Variants in MTM1 observed in about 807,000 individuals in gnomAD.
MTM1 encodes myotubularin.
MTM1 carries 9 observed loss-of-function variants against 52.1 expected under a neutral mutation model. The observed-to-expected ratio is 0.17, with a 90% CI of 0.10 to 0.30. The LOEUF is 0.30. MTM1 is among the 10% of genes least tolerant of loss of function. The pLI, the probability that MTM1 is intolerant of heterozygous loss-of-function variation, is 1.00. For missense variants in MTM1, 277 were observed against 470.7 expected (o/e 0.59, Z 3.81); for synonymous variants, 136 against 163.8 (o/e 0.83, Z 1.29).
intron 1 of MTM1, among the ~76,000 whole-genome samples, chrX:150,587,161 G>T (rs2038804780): frequency 9.0e-6 from 1 of 110,666 alleles, no homozygotes; most frequent in Admixed American, 9.7e-5. Context: ...ACACTGTTTT[G>T]TAGGTGGGCG....
chrX:150,593,211 A>G (rs782498098), intron 2 of MTM1, among the ~76,000 whole-genome samples: 6 of 112,346 alleles, frequency 5.3e-5, no homozygotes, highest in African/African-American at 1.9e-4. Flanking sequence ...ATCCTTTCAC[A>G]TAACTTCATT....
At chrX:150,571,556 G>A (rs1427680985) in intron 1 of MTM1, among the ~76,000 whole-genome samples, 2 of 112,656 alleles carry the variant, frequency 1.8e-5, no homozygotes, top group Non-Finnish European at 3.7e-5. Flanking sequence ...CTTGCATGTA[G>A]TAGACACTAA....
intron 10 of MTM1, among the ~76,000 whole-genome samples, chrX:150,653,838 A>G (rs1557414300): frequency 1.8e-5 from 2 of 112,149 alleles, no homozygotes; most frequent in African/African-American, 3.2e-5. Flanking sequence ...AAAGTATCAT[A>G]TTGTTTTGGC....
chrX:150,589,598 T>C (rs2038848208), intron 1 of MTM1, among the ~76,000 whole-genome samples: 1 of 111,457 alleles, frequency 9.0e-6, no homozygotes, highest in Non-Finnish European at 1.9e-5. Flanking sequence ...TCCAACTGCC[T>C]TTACACTAAC....
intron 7 of MTM1, among the ~76,000 whole-genome samples, 161 bp from the exon 8 acceptor site, chrX:150,641,108 G>T (rs956773006): frequency 1.5e-4 from 17 of 111,807 alleles, no homozygotes; most frequent in African/African-American, 5.2e-4. Context: ...ACGTTGTCTG[G>T]ATTATTGATT....
At chrX:150,636,403 C>CA (rs1419857514) in intron 6 of MTM1, among the ~76,000 whole-genome samples, 11 of 110,000 alleles carry the variant, frequency 1.0e-4, no homozygotes, top group East Asian at 2.8e-4. Flanking sequence ...ATACTGGAAG[C>CA]AAAAAAAAGA....
chrX:150,583,548 C>T (rs189527250), intron 1 of MTM1, among the ~76,000 whole-genome samples: 399 of 15,314 alleles, frequency 0.026, 33 homozygotes, highest in African/African-American at 0.11. Flanking sequence ...ATATATTATA[C>T]ATAATTTATA....
intron 6 of MTM1, among the ~76,000 whole-genome samples, chrX:150,635,348 A>T (rs782499383): frequency 8.9e-6 from 1 of 112,371 alleles, no homozygotes; most frequent in East Asian, 2.8e-4. Context: ...AGCTCTCTCC[A>T]TGTGATTTAG....
upstream of MTM1, among the ~76,000 whole-genome samples, chrX:150,566,109 C>T (rs1247162718): frequency 3.6e-5 from 4 of 110,671 alleles, no homozygotes; most frequent in Admixed American, 2.9e-4. Context: ...AAGGGCAAGG[C>T]GGTAACCCCT....
intron 4 of MTM1, among the ~76,000 whole-genome samples, chrX:150,613,861 G>A (rs1157291470): frequency 1.8e-5 from 2 of 112,125 alleles, no homozygotes; most frequent in African/African-American, 3.2e-5. Context: ...TGCACCCAGC[G>A]TTGGATAGCA....
intron 5 of MTM1, among the ~76,000 whole-genome samples, chrX:150,616,306 T>C (rs2039384343): frequency 8.9e-6 from 1 of 111,759 alleles, no homozygotes. Flanking sequence ...TTAACTAAAT[T>C]GTCTCCCCAG....
At chrX:150,569,897 A>G (rs2038336744) in intron 1 of MTM1, among the ~76,000 whole-genome samples, 1 of 112,003 alleles carries the variant, frequency 8.9e-6, no homozygotes, top group Admixed American at 9.4e-5. Context: ...TTGATTCTGA[A>G]TGGCTTTTGG....
Position 150,649,878 on chromosome X carries a change from A to G in MTM1, c.1030A>G (p.Thr344Ala), listed in dbSNP as rs1278250269. The G allele has an allele frequency of 8.3e-7, 1 of 1,205,352 alleles. No individual in the cohort carries two copies. Among genetic ancestry groups the G allele is most frequent in the African/African-American group, 1.8e-5 (1 of 57,122 alleles). Residue 344 changes from threonine (T) to alanine (A), a missense_variant, in exon 10 of 15, where the codon ACT becomes GCT. Transcript: ENST00000370396. ...ESHWLSSLES[T>A]HWLEHIKLVL... ...TCATTGGTTGTCCAGTTTGGAGTCT[A>G]CTCATTGGTTAGAACATATCAAGGC...
chrX:150,619,967 G>A (rs1449941466), intron 6 of MTM1, among the ~76,000 whole-genome samples: 5 of 112,028 alleles, frequency 4.5e-5, no homozygotes, highest in African/African-American at 1.6e-4. Flanking sequence ...AAAATGTAAT[G>A]CTTGGGAACA....
intron 11 of MTM1, 141 bp from the exon 12 acceptor site, chrX:150,659,523 G>A: frequency 4.0e-6 from 2 of 494,573 alleles, no homozygotes; most frequent in African/African-American, 2.3e-5. Flanking sequence ...ATATTGCCAT[G>A]GAAGTATATA....
At chrX:150,572,856 T>G (rs1343273111) in intron 1 of MTM1, among the ~76,000 whole-genome samples, 1 of 112,903 alleles carries the variant, frequency 8.9e-6, no homozygotes, top group African/African-American at 3.2e-5. Context: ...GAGCGGCCTT[T>G]TCTCGTTAAA....
intron 1 of MTM1, among the ~76,000 whole-genome samples, chrX:150,588,679 A>G (rs1235954933): frequency 8.9e-6 from 1 of 111,864 alleles, no homozygotes; most frequent in Non-Finnish European, 1.9e-5. Context: ...CTGTACCTTA[A>G]TTTGAAATGT....
intron 3 of MTM1, among the ~76,000 whole-genome samples, 160 bp from the exon 4 acceptor site, chrX:150,598,432 G>A (rs150301807): frequency 3.1e-4 from 35 of 112,274 alleles, no homozygotes; most frequent in Middle Eastern, 4.6e-3. Context: ...AACCCAGCAC[G>A]GTAATGTAGA....
chrX:150,569,489 G>A (rs1557411375), intron 1 of MTM1, among the ~76,000 whole-genome samples: 2 of 112,736 alleles, frequency 1.8e-5, no homozygotes, highest in African/African-American at 6.4e-5. Context: ...ATCTTCACAA[G>A]AATAAAATTA....
Sources: allele counts gnomAD v4.1 joint callset (sites outside exome capture counted in the v4.1 genomes callset), GRCh38; gene constraint gnomAD v4.1.1; transcripts MANE v1.5; gene names NCBI Gene and HGNC (gene_info 2026-07-23, HGNC 2026-07-21).